Variants in CEL observed in about 807,000 individuals in gnomAD.
CEL encodes bile salt-activated lipase.
CEL carries 39 observed loss-of-function variants against 57.1 expected under a neutral mutation model. The observed-to-expected ratio is 0.68, with a 90% confidence interval of 0.53 to 0.89. The LOEUF is 0.89. Among genes scored for constraint, CEL ranks in the 40% least tolerant of loss-of-function variants. The pLI, the probability that CEL is intolerant of heterozygous loss-of-function variation, is 0.00. For synonymous variants in CEL, 314 were observed against 396.6 expected (o/e 0.79, Z 2.48); for missense variants, 698 against 915.0 (o/e 0.76, Z 3.06).
At chr9:133,067,233 G>A (rs1203406675) in intron 7 of CEL, 28 bp downstream of exon 7, 1 of 1,600,576 alleles carries the variant, frequency 6.2e-7, no homozygotes, top group Non-Finnish European at 8.6e-7. Flanking sequence ...TTGGCCCATG[G>A]GGTCTCGAGG....
At chr9:133,068,201 G>C (rs1830211174) in intron 7 of CEL, among the ~76,000 whole-genome samples, 1 of 152,188 alleles carries the variant, frequency 6.6e-6, no homozygotes, top group South Asian at 2.1e-4. Context: ...CCGTCCAGGG[G>C]TCTGGAGTAC....
At position 133,066,087 on chromosome 9, in the gene CEL, G is replaced by T. The variant is rs1263699829; in HGVS notation, c.539-443G>T. On this transcript the variant is annotated intron_variant, in intron 4 of 10. Transcript: ENST00000372080. This position sits in a 1 kb window ranked among gnomAD's most constrained non-coding sequence, Gnocchi z 4.3. ...GGCTCAGAGAGAAACCAGGAGAGCA[G>T]AGCTGAGTGAGAGACAGAGAACAAT... Among the ~76,000 whole-genome samples, 1 of 152,184 alleles carries T rather than the reference G, an allele frequency of 6.6e-6. No homozygotes were observed. Among genetic ancestry groups the T allele is most frequent in the Non-Finnish European group, 1.5e-5 (1 of 68,022 alleles).
chr9:133,063,276 C>T (rs1386559930), intron 1 of CEL, among the ~76,000 whole-genome samples: 1 of 152,220 alleles, frequency 6.6e-6, no homozygotes, highest in Admixed American at 6.5e-5. Context: ...CATTTCCCCA[C>T]CCTGAGGCCC....
Position 133,070,961 on chromosome 9 carries a change from C to T in CEL, c.1485-26C>T, listed in dbSNP as rs770211950. ...TCAGCCCCCTGGGAGTCCCCAGCCC[C>T]TGCACAGCCTCTTCTCACTCTGCAG... On this transcript the variant is annotated intron_variant, in intron 10 of 10. Transcript: ENST00000372080. The T allele has an allele frequency of 1.9e-6, 3 of 1,612,140 alleles. No individual in the cohort carries two copies. The African/African-American group carries it at 4.0e-5, about 22-fold the overall frequency.
intron 10 of CEL, 64 bp from the exon 11 acceptor site, chr9:133,070,923 G>A (rs1325509456): frequency 1.3e-6 from 2 of 1,580,256 alleles, no homozygotes; most frequent in Non-Finnish European, 1.7e-6. Context: ...GCGTGCAGGT[G>A]GAGAGCAGGG....
chr9:133,070,650 C>A lies in CEL; in HGVS notation c.1476C>A (p.Ala492=), dbSNP rs1266367671. The change falls in exon 10 of 11, where the codon GCC becomes GCA. Residue 492 remains alanine (A), a synonymous_variant. Coordinates refer to ENST00000372080, the MANE Select transcript of CEL (RefSeq NM_001807.6). The part of the protein sequence containing the change: ...KAMIAYWTNF[A]KTGDPNMGDS... ...TGATCGCCTACTGGACCAACTTTGC[C>A]AAAACAGGGTAAGACGTGGGTTGAG... 6.2e-7 allele frequency: 1 copy of A among 1,614,186 alleles called. No individual in the cohort carries two copies. The highest frequency in any genetic ancestry group is 1.1e-5 in the South Asian group (1 of 91,066).
chr9:133,065,033 A>T lies in CEL; in HGVS notation c.341-7A>T. 6.2e-7 allele frequency: 1 copy of T among 1,608,336 alleles called. No individual in the cohort carries two copies. The highest frequency in any genetic ancestry group is 8.5e-7 in the Non-Finnish European group (1 of 1,179,268). On this transcript the variant is annotated splice_region_variant and splice_polypyrimidine_tract_variant and intron_variant, in intron 3 of 10. Coordinates refer to ENST00000372080, the MANE Select transcript of CEL (RefSeq NM_001807.6). ...GTCTGGGGTCACCAGCCGCTCCCCC[A>T]TCTCAGTCTCCCGGGACCTGCCCGT...
At chr9:133,063,528 G>C (rs1361969240) in intron 1 of CEL, among the ~76,000 whole-genome samples, 1 of 152,188 alleles carries the variant, frequency 6.6e-6, no homozygotes, top group Admixed American at 6.5e-5. Context: ...CTGGAACCTG[G>C]CACAGGTGAC....
chr9:133,071,195 G>A lies in CEL; in HGVS notation c.1693G>A (p.Asp565Asn). 6.2e-7 allele frequency: 1 copy of A among 1,604,964 alleles called. No homozygotes were observed. The highest frequency in any genetic ancestry group is 8.5e-7 in the Non-Finnish European group (1 of 1,178,832). Residue 565 changes from aspartate (D) to asparagine (N), a missense_variant, in exon 11 of 11, where the codon GAC (aspartate) becomes AAC (asparagine). Asp to Asn is a conservative substitution (Grantham distance 23). This residue lies in a region of CEL where 238 missense variants were observed against 213.7 expected (regional missense o/e 1.11). Transcript: ENST00000372080. Reference protein sequence around the residue: ...QEATPVPPTGDSEATPVPPTG... With the variant: ...QEATPVPPTGNSEATPVPPTG... ...GGCCACCCCTGTGCCCCCCACAGGG[G>A]ACTCCGAGGCCACTCCCGTGCCCCC...
intron 7 of CEL, among the ~76,000 whole-genome samples, 176 bp from the exon 8 acceptor site, chr9:133,068,496 T>C (rs947153165): frequency 6.6e-6 from 1 of 151,126 alleles, no homozygotes; most frequent in Non-Finnish European, 1.5e-5. Flanking sequence ...CCGGGGATGC[T>C]CTAAACATCC....
chr9:133,068,700 C>A lies in CEL; in HGVS notation c.924C>A (p.Val308=), dbSNP rs1174408711. ...CCATGCTGCACTATGTGGGCTTCGT[C>A]CCTGTCATTGATGGAGACTTCATCC... is the stretch of plus-strand genomic sequence containing the variant. The part of the protein sequence containing the change: ...EYPMLHYVGF[V]PVIDGDFIPA... Residue 308 remains valine (V), a synonymous_variant, in exon 8 of 11, where the codon GTC becomes GTA. Coordinates refer to ENST00000372080, the MANE Select transcript of CEL (RefSeq NM_001807.6). 5.0e-6 allele frequency: 8 copies of A among 1,609,862 alleles called. No homozygotes were observed. The highest frequency in any genetic ancestry group is 6.8e-6 in the Non-Finnish European group (8 of 1,178,734).
In CEL at chr9:133,071,815, C is replaced by T. The variant is rs1239215104; in HGVS notation, c.*51C>T. On this transcript the variant is annotated 3_prime_UTR_variant, in exon 11 of 11. Transcript: ENST00000372080. ...GGCCACAAGAGTGGGACCCCAGGGG[C>T]TCCCCTCCCATCTTGAGCTCTTCCT... 4 of 1,517,866 alleles carry T rather than the reference C, an allele frequency of 2.6e-6. No individual in the cohort carries two copies. The highest frequency in any genetic ancestry group is 3.7e-6 in the Non-Finnish European group (4 of 1,095,622). 94.0% of individuals were successfully genotyped at this position (1,517,866 alleles called of 1,614,324 possible).
intron 6 of CEL, 58 bp from the exon 7 acceptor site, chr9:133,067,030 T>C: frequency 6.2e-7 from 1 of 1,608,718 alleles, no homozygotes; most frequent in Non-Finnish European, 8.5e-7. Context: ...TGCCTTCAAA[T>C]GGTTCTGAGC....
chr9:133,066,955 G>T lies in CEL; in HGVS notation c.777+10G>T. 1 of 1,604,122 alleles carries T rather than the reference G, an allele frequency of 6.2e-7. No homozygotes were observed. Among genetic ancestry groups the T allele is most frequent in the Non-Finnish European group, 8.5e-7 (1 of 1,171,432 alleles). Reference sequence around the variant, plus strand: ...CTTCTGGGCCAAAAAGGTAAACGGAGGAGGGCAGGGCTGGGCGGGGTGGGG... The same window carrying T: ...CTTCTGGGCCAAAAAGGTAAACGGATGAGGGCAGGGCTGGGCGGGGTGGGG... On this transcript the variant is annotated intron_variant, in intron 6 of 10. Transcript: ENST00000372080. The surrounding 1 kb of genome is among the most constrained non-coding windows in gnomAD (Gnocchi z 4.3).
intron 1 of CEL, among the ~76,000 whole-genome samples, chr9:133,063,508 C>T (rs532688821): frequency 1.2e-3 from 179 of 152,280 alleles, no homozygotes; most frequent in African/African-American, 4.1e-3. Context: ...GCCACCCTGC[C>T]CTTCCCCACC....
chr9:133,064,778 A>G lies in CEL; in HGVS notation c.340+16A>G, dbSNP rs1588488707. ...AGGAAGCAAGGTCTGCCTCCCCTCT[A>G]CTCCCCAAGGGACCCTCCCATGCAG... On this transcript the variant is annotated intron_variant, in intron 3 of 10. Transcript: ENST00000372080. The G allele has an allele frequency of 1.2e-6, 2 of 1,613,386 alleles. No homozygotes were observed. The highest frequency in any genetic ancestry group is 2.2e-5 in the East Asian group (1 of 44,864).
intron 1 of CEL, among the ~76,000 whole-genome samples, chr9:133,062,787 G>A (rs1830111373): frequency 1.3e-5 from 2 of 151,610 alleles, no homozygotes; most frequent in South Asian, 4.1e-4. Flanking sequence ...CGGGTGGAGA[G>A]AAGCAGGCAG....
chr9:133,064,343 C>G (rs1276205652), intron 1 of CEL, 61 bp from the exon 2 acceptor site: 2 of 1,606,720 alleles, frequency 1.2e-6, no homozygotes, highest in Admixed American at 3.3e-5. Context: ...TGCCTTGCCC[C>G]CTCCGGATTC....
At position 133,071,701 on chromosome 9, in the gene CEL, T is replaced by C. The variant is rs113423122; in HGVS notation, c.2199T>C (p.Ala733=). ...PPVPPTGDSE[A]APVPPTDDSK... ...TGCCCCCCACGGGTGACTCTGAGGC[T>C]GCCCCTGTGCCCCCCACAGATGACT... The change falls in exon 11 of 11, where the codon GCT becomes GCC. Residue 733 remains alanine, a synonymous_variant. Transcript: ENST00000372080. 58 of 1,599,216 alleles carry C rather than the reference T, an allele frequency of 3.6e-5. 1 individual carries two copies. Among genetic ancestry groups the C allele is most frequent in the Admixed American group, 5.1e-5 (3 of 59,176 alleles).
Sources: gnomAD v4.1 joint callset for allele counts (sites outside exome capture counted in the v4.1 genomes callset) on GRCh38, gnomAD v4.1.1 for gene constraint, gnomAD v4.1.1 regional missense constraint, Gnocchi (gnomAD v3.1) non-coding constraint, MANE v1.5 for transcripts, NCBI Gene and HGNC (gene_info 2026-07-23, HGNC 2026-07-21) for gene names.